TAFA4: variants seen among roughly 807,000 people sequenced by gnomAD.
TAFA4 encodes TAFA chemokine like family member 4, also known as chemokine-like protein TAFA-4.
Under a neutral mutation model 21.1 loss-of-function variants are expected in TAFA4, and 20 were observed. That is an observed-to-expected ratio of 0.95 (90% confidence interval 0.67 to 1.38). The LOEUF is 1.38. Among genes scored for constraint, TAFA4 ranks in the 40% most tolerant of loss-of-function variants. TAFA4 has a pLI of 0.00. For synonymous variants in TAFA4, 71 were observed against 67.4 expected, an observed-to-expected ratio of 1.05 and a Z score of -0.26; for missense variants, 211 against 180.9, an observed-to-expected ratio of 1.17 and a Z score of -0.95.
intron 3 of TAFA4, among the ~76,000 whole-genome samples, chr3:68,782,419 C>T (rs1274172398): frequency 6.6e-6 from 1 of 151,986 alleles, no homozygotes; most frequent in Non-Finnish European, 1.5e-5. Flanking sequence ...AACAGATGTT[C>T]AAACAAAAAC....
chr3:68,921,629 G>C (rs1358132025), intron 1 of TAFA4, among the ~76,000 whole-genome samples: 1 of 152,076 alleles, frequency 6.6e-6, no homozygotes, highest in Non-Finnish European at 1.5e-5. Context: ...CTAAATCTTC[G>C]ATTATTCCCA....
At chr3:68,733,849 A>G (rs1702194955) in intron 5 of TAFA4, among the ~76,000 whole-genome samples, 1 of 152,186 alleles carries the variant, frequency 6.6e-6, no homozygotes, top group Non-Finnish European at 1.5e-5. Context: ...CCAATCAGCT[A>G]TGTATGCAAA....
At chr3:68,813,638 G>A (rs558087590) in intron 3 of TAFA4, among the ~76,000 whole-genome samples, 1 of 152,104 alleles carries the variant, frequency 6.6e-6, no homozygotes, top group African/African-American at 2.4e-5. Context: ...TGTCTGAATA[G>A]ATCAACAAAA....
chr3:68,764,354 T>C (rs1702809787), intron 3 of TAFA4, among the ~76,000 whole-genome samples: 1 of 152,158 alleles, frequency 6.6e-6, no homozygotes, highest in South Asian at 2.1e-4. Flanking sequence ...CTTCTTGAAG[T>C]TGTCAGACTT....
At chr3:68,924,601 T>C (rs965239464) in intron 1 of TAFA4, among the ~76,000 whole-genome samples, 4 of 152,220 alleles carry the variant, frequency 2.6e-5, no homozygotes, top group African/African-American at 7.2e-5. Context: ...CACTGAAATG[T>C]ACACTTGAAA....
chr3:68,793,365 C>A (rs981346554), intron 3 of TAFA4, among the ~76,000 whole-genome samples: 28 of 152,184 alleles, frequency 1.8e-4, no homozygotes, highest in Admixed American at 8.5e-4. Flanking sequence ...TGAAAACACC[C>A]TCCATTCTAA....
chr3:68,743,700 G>C (rs1340665942), intron 4 of TAFA4, among the ~76,000 whole-genome samples: 1 of 151,386 alleles, frequency 6.6e-6, no homozygotes, highest in African/African-American at 2.4e-5. Context: ...TTCCTCTTTT[G>C]ATTGTCCCAA....
intron 1 of TAFA4, among the ~76,000 whole-genome samples, chr3:68,903,302 GA>G (rs951607647): frequency 6.7e-5 from 10 of 150,356 alleles, no homozygotes; most frequent in East Asian, 3.9e-4. Context: ...ACCGGGATGA[GA>G]AAAAAAAATG....
chr3:68,888,906 C>T (rs530360340), intron 1 of TAFA4, among the ~76,000 whole-genome samples: 30 of 152,256 alleles, frequency 2.0e-4, no homozygotes, highest in African/African-American at 6.7e-4. Flanking sequence ...AATTAAATTT[C>T]AACATAAGTT....
At chr3:68,884,852 C>T (rs573789972) in intron 2 of TAFA4, among the ~76,000 whole-genome samples, 6 of 152,240 alleles carry the variant, frequency 3.9e-5, no homozygotes, top group Non-Finnish European at 8.8e-5. Context: ...CAAGTATTCA[C>T]TTAACAATAG....
intron 3 of TAFA4, among the ~76,000 whole-genome samples, chr3:68,809,255 T>C (rs1306490778): frequency 6.6e-6 from 1 of 152,092 alleles, no homozygotes; most frequent in African/African-American, 2.4e-5. Flanking sequence ...AAAGTACAGA[T>C]CAAAACAATG....
rs111628104 is a variant in TAFA4 at position 68,809,735 on chromosome 3, G to A, written c.131-56717C>T. On this transcript the variant is annotated intron_variant, in intron 3 of 5. Transcript: ENST00000295569. ...GCATTTTGAGTTGATTTTTGTACAT[G>A]GTGTGAGACGAGAATCTAATTTCAT... Among the ~76,000 whole-genome samples, 351 of 152,126 alleles carry A rather than the reference G, an allele frequency of 2.3e-3. 1 individual carries two copies. Among genetic ancestry groups the A allele is most frequent in the African/African-American group, 6.7e-3 (279 of 41,496 alleles).
intron 3 of TAFA4, among the ~76,000 whole-genome samples, chr3:68,876,254 A>G (rs2089548529): frequency 6.6e-6 from 1 of 152,184 alleles, no homozygotes; most frequent in Admixed American, 6.5e-5. Context: ...GCGCAGCTTT[A>G]TAACATGCAA....
At chr3:68,751,898 G>A (rs190761811) in intron 4 of TAFA4, among the ~76,000 whole-genome samples, 19 of 152,300 alleles carry the variant, frequency 1.2e-4, no homozygotes, top group African/African-American at 4.1e-4. Context: ...CAAAGTTTCT[G>A]ATAAAGAACT....
chr3:68,889,100 T>G (rs1447518050), intron 1 of TAFA4, among the ~76,000 whole-genome samples: 1 of 152,218 alleles, frequency 6.6e-6, no homozygotes, highest in Non-Finnish European at 1.5e-5. Flanking sequence ...TTAAAGAGTC[T>G]CAGTGTTTTC....
intron 5 of TAFA4, 25 bp downstream of exon 5, chr3:68,739,050 G>A: frequency 6.2e-7 from 1 of 1,611,076 alleles, no homozygotes; most frequent in Non-Finnish European, 8.5e-7. Context: ...CTTGTAAATT[G>A]TAGTTGCATT....
chr3:68,921,423 GT>G (rs2090060498), intron 1 of TAFA4, among the ~76,000 whole-genome samples: 1 of 152,148 alleles, frequency 6.6e-6, no homozygotes, highest in Admixed American at 6.5e-5. Context: ...AGAGACTTCA[GT>G]TTGCAAACTT....
chr3:68,814,547 T>A (rs1050870522), intron 3 of TAFA4, among the ~76,000 whole-genome samples: 1 of 152,056 alleles, frequency 6.6e-6, no homozygotes, highest in Non-Finnish European at 1.5e-5. Flanking sequence ...AAATCATGAG[T>A]GAACTCCCAT....
intron 5 of TAFA4, 89 bp from the exon 6 acceptor site, chr3:68,733,242 G>GTGAATACTTTAT (rs1702183413): frequency 1.3e-6 from 2 of 1,493,864 alleles, no homozygotes; most frequent in African/African-American, 2.8e-5. Context: ...GGTCCTGACT[G>GTGAATACTTTAT]TGAATACTTT....
Sources: allele counts gnomAD v4.1 joint callset (sites outside exome capture counted in the v4.1 genomes callset), GRCh38; gene constraint gnomAD v4.1.1; transcripts MANE v1.5; gene names NCBI Gene and HGNC (gene_info 2026-07-23, HGNC 2026-07-21).